The following TENM3 variants were observed in gnomAD, a reference collection of about 807,000 sequenced individuals.
TENM3 encodes the protein teneurin-3.
Under a neutral mutation model 255.1 loss-of-function variants are expected in TENM3, and 63 were observed. That is an observed-to-expected ratio of 0.25 (90% CI 0.20 to 0.30). TENM3 has a LOEUF of 0.30. Among genes scored for constraint, TENM3 ranks in the 10% least tolerant of loss-of-function variants. The probability of loss-of-function intolerance (pLI) is 1.00; values close to 1 mark genes in which losing one functional copy is unlikely to be tolerated. For synonymous variants in TENM3, 1,306 were observed against 1,322.3 expected (o/e 0.99, Z 0.27); for missense variants, 2,929 against 3,461.1 (o/e 0.85, Z 3.86).
chr4:181,491,752 T>C, the TENM3 span, among the ~76,000 whole-genome samples: 2 of 152,142 alleles, frequency 1.3e-5, no homozygotes, highest in Admixed American at 1.3e-4. Context: ...CATTATTCTA[T>C]GTATGATTTT....
Position 182,161,791 on chromosome 4 carries a change from ATG to A in TENM3, c.-76+17039_-76+17040del, listed in dbSNP as rs374327491. On this transcript the variant is annotated intron_variant, in intron 1 of 2. Transcript: ENST00000512480. ...TGTGTATATATATATACACAAATAT[ATG>A]TATATATATACACATATATATGTAT... is the stretch of plus-strand genomic sequence containing the variant. Among the ~76,000 whole-genome samples the A allele has an allele frequency of 1.2e-4, 4 of 34,286 alleles. 1 individual carries two copies. Among genetic ancestry groups the A allele is most frequent in the African/African-American group, 3.1e-4 (2 of 6,540 alleles). 22.5% of individuals were successfully genotyped at this position (34,286 alleles called of 152,430 possible). A position where few individuals can be genotyped will look rare whatever the true frequency, so the allele number is the denominator to read the frequency against.
At chr4:182,644,356 T>TA (rs70956530) in intron 5 of TENM3, among the ~76,000 whole-genome samples, 4 of 152,206 alleles carry the variant, frequency 2.6e-5, no homozygotes, top group African/African-American at 9.6e-5. Flanking sequence ...AACATGGAGC[T>TA]AAAAATGGCA....
At chr4:181,780,460 T>G in the TENM3 span, among the ~76,000 whole-genome samples, 2 of 152,124 alleles carry the variant, frequency 1.3e-5, no homozygotes, top group Admixed American at 1.3e-4. Flanking sequence ...GTTAATATCC[T>G]TCACCCACTT....
At chr4:181,894,081 C>G in the TENM3 span, among the ~76,000 whole-genome samples, 1 of 151,578 alleles carries the variant, frequency 6.6e-6, no homozygotes, top group African/African-American at 2.4e-5. Context: ...CAGTTTTAAA[C>G]CTAAACACCT....
chr4:182,474,841 C>T (rs1167120197), intron 3 of TENM3, among the ~76,000 whole-genome samples: 1 of 151,984 alleles, frequency 6.6e-6, no homozygotes. Flanking sequence ...TTTAATTGAA[C>T]TTACCTGGTT....
chr4:182,364,683 T>C (rs2150809743), intron 3 of TENM3, among the ~76,000 whole-genome samples: 1 of 152,352 alleles, frequency 6.6e-6, no homozygotes, highest in African/African-American at 2.4e-5. Flanking sequence ...CCTCCCATAG[T>C]GCTGGGGTTA....
the TENM3 span, among the ~76,000 whole-genome samples, chr4:181,673,845 GGTGTGTGTGTGTGTGTGTGT>G: frequency 2.3e-4 from 32 of 137,432 alleles, no homozygotes; most frequent in East Asian, 1.5e-3. Flanking sequence ...AGAAGTGTGT[GGTGTGTGTGTGTGTGTGTGT>G]GTGTGTGTGT....
the TENM3 span, among the ~76,000 whole-genome samples, chr4:181,811,845 A>G: frequency 6.6e-6 from 1 of 152,198 alleles, no homozygotes; most frequent in South Asian, 2.1e-4. Context: ...GGGGACACAG[A>G]GCCAAACCAC....
At chr4:181,522,751 T>C in the TENM3 span, 2 of 719,622 alleles carry the variant, frequency 2.8e-6, no homozygotes, top group South Asian at 1.4e-5. Flanking sequence ...TCTAAGAAAA[T>C]GGACCTGAGA....
Position 182,728,958 on chromosome 4 carries a change from T to A in TENM3, c.2369-7T>A. On this transcript the variant is annotated splice_region_variant and splice_polypyrimidine_tract_variant and intron_variant, in intron 13 of 27. Coordinates refer to ENST00000511685, the MANE Select transcript of TENM3 (RefSeq NM_001080477.4). ...ATTCTCTTACTGGGGAACATTTCTC[T>A]CTACAGATGGACTCATTGACTGCAT... is the stretch of plus-strand genomic sequence containing the variant. 6.2e-7 allele frequency: 1 copy of A among 1,612,012 alleles called. No individual in the cohort carries two copies. The highest frequency in any genetic ancestry group is 2.2e-5 in the East Asian group (1 of 44,862).
chr4:182,402,304 T>A (rs6823473), intron 3 of TENM3, among the ~76,000 whole-genome samples: 1 of 152,150 alleles, frequency 6.6e-6, no homozygotes, highest in Non-Finnish European at 1.5e-5. Flanking sequence ...TCTATCTAGA[T>A]GGGCAAAATA....
chr4:182,507,812 G>A (rs1277378156), intron 3 of TENM3, among the ~76,000 whole-genome samples: 1 of 152,194 alleles, frequency 6.6e-6, no homozygotes, highest in African/African-American at 2.4e-5. Flanking sequence ...ATGCCAAAGA[G>A]ACGAAATAGA....
At chr4:181,844,675 T>A in the TENM3 span, among the ~76,000 whole-genome samples, 121,016 of 147,226 alleles carry the variant, frequency 0.82, 50,270 homozygotes, top group Non-Finnish European at 0.88. Context: ...CTCAAAAAAA[T>A]AAAATAAAAT....
chr4:182,708,361 T>C (rs1758451688), intron 12 of TENM3, among the ~76,000 whole-genome samples: 3 of 151,986 alleles, frequency 2.0e-5, no homozygotes, highest in Admixed American at 2.0e-4. Flanking sequence ...TAGGAATCAT[T>C]AATACATCAG....
chr4:182,459,757 T>A (rs1774187813), intron 3 of TENM3, among the ~76,000 whole-genome samples: 1 of 152,190 alleles, frequency 6.6e-6, no homozygotes. Flanking sequence ...TTTATTCAAA[T>A]ACTTATTTAT....
intron 3 of TENM3, among the ~76,000 whole-genome samples, chr4:182,551,727 T>TA (rs913976251): frequency 8.2e-4 from 124 of 152,118 alleles, no homozygotes; most frequent in African/African-American, 2.9e-3. Context: ...TTACTGTATT[T>TA]AAAGTTAAAT....
At chr4:182,701,926 A>G (rs1757909004) in intron 12 of TENM3, among the ~76,000 whole-genome samples, 2 of 152,220 alleles carry the variant, frequency 1.3e-5, no homozygotes, top group African/African-American at 4.8e-5. Context: ...AAAAATCTTT[A>G]GCAAACTCAC....
the TENM3 span, among the ~76,000 whole-genome samples, chr4:181,844,764 A>G: frequency 6.6e-6 from 1 of 152,182 alleles, no homozygotes; most frequent in East Asian, 1.9e-4. Context: ...AAATTATGAC[A>G]ATCTCCCAAG....
chr4:182,618,843 A>G (rs530934604), intron 4 of TENM3, among the ~76,000 whole-genome samples: 21 of 152,214 alleles, frequency 1.4e-4, no homozygotes, highest in Non-Finnish European at 2.2e-4. Context: ...GTTGAGGTAT[A>G]AGAACACAGA....
Sources: gnomAD v4.1 joint callset for allele counts (sites outside exome capture counted in the v4.1 genomes callset) on GRCh38, gnomAD v4.1.1 for gene constraint, MANE v1.5 for transcripts, NCBI Gene and HGNC (gene_info 2026-07-23, HGNC 2026-07-21) for gene names.